Variants in RAPGEF6 observed in about 807,000 individuals in gnomAD.
RAPGEF6 encodes the protein Rap guanine nucleotide exchange factor 6, also known as PDZ domain containing guanine nucleotide exchange factor (GEF) 2.
RAPGEF6 carries 56 observed loss-of-function variants against 171.4 expected under a neutral mutation model. The ratio of observed to expected loss-of-function variants is 0.33; its 90% CI spans 0.26 to 0.41. RAPGEF6 has a LOEUF of 0.41. Ranked by LOEUF, RAPGEF6 falls within the 10% of genes least tolerant of loss-of-function variation. The pLI is 1.00. For synonymous variants in RAPGEF6, 692 were observed against 650.1 expected (o/e 1.06, Z -0.98); for missense variants, 1,674 against 1,921.4 (o/e 0.87, Z 2.41).
chr5:131,453,265 A>G (rs1218149117), intron 20 of RAPGEF6, 88 bp from the exon 21 acceptor site: 7 of 1,469,098 alleles, frequency 4.8e-6, no homozygotes, highest in Non-Finnish European at 6.3e-6. Flanking sequence ...TGAGGGGCAC[A>G]AAGAAGGACC....
chr5:131,461,486 A>G (rs948143849), intron 19 of RAPGEF6, among the ~76,000 whole-genome samples: 1 of 152,164 alleles, frequency 6.6e-6, no homozygotes, highest in South Asian at 2.1e-4. Context: ...GCAATCACCC[A>G]CTTTCATTTA....
chr5:131,628,885 G>A (rs1464088256), intron 1 of RAPGEF6, among the ~76,000 whole-genome samples: 3 of 152,156 alleles, frequency 2.0e-5, no homozygotes, highest in Non-Finnish European at 4.4e-5. Flanking sequence ...GTCCACTGAT[G>A]AGACCCACTG....
chr5:131,467,055 G>T (rs1007632181), intron 17 of RAPGEF6, among the ~76,000 whole-genome samples: 1 of 152,130 alleles, frequency 6.6e-6, no homozygotes, highest in Non-Finnish European at 1.5e-5. Flanking sequence ...GACTGACCTT[G>T]AGGGAATGGG....
At chr5:131,565,383 A>C (rs1050671890) in intron 4 of RAPGEF6, among the ~76,000 whole-genome samples, 1 of 152,172 alleles carries the variant, frequency 6.6e-6, no homozygotes, top group African/African-American at 2.4e-5. Context: ...ACCTGATTAA[A>C]AAGAGATATA....
At chr5:131,436,233 A>G in intron 24 of RAPGEF6, 1 of 1,537,424 alleles carries the variant, frequency 6.5e-7, no homozygotes, top group Non-Finnish European at 8.7e-7. Context: ...TCCTGTCTCT[A>G]TTCTCCTCAG....
At chr5:131,558,381 G>T (rs548853836) in intron 5 of RAPGEF6, among the ~76,000 whole-genome samples, 2 of 151,886 alleles carry the variant, frequency 1.3e-5, no homozygotes, top group East Asian at 1.9e-4. Context: ...TTTTATTTTT[G>T]ATTATCTTTG....
chr5:131,598,580 A>C (rs1195305690), intron 3 of RAPGEF6, among the ~76,000 whole-genome samples: 1 of 152,236 alleles, frequency 6.6e-6, no homozygotes, highest in African/African-American at 2.4e-5. Context: ...TTAACTGCAA[A>C]GGAGTAACAA....
chr5:131,472,074 C>CT (rs34112867), intron 17 of RAPGEF6: 29,127 of 141,318 alleles, frequency 0.21, 3,381 homozygotes, highest in Middle Eastern at 0.35. Flanking sequence ...TTTTTCTTTT[C>CT]TTTTTTTTTT....
chr5:131,560,395 T>C (rs1377147765), intron 5 of RAPGEF6, among the ~76,000 whole-genome samples: 1 of 152,212 alleles, frequency 6.6e-6, no homozygotes, highest in African/African-American at 2.4e-5. Flanking sequence ...GATTTCTCCT[T>C]TTCTTCCTCC....
intron 13 of RAPGEF6, among the ~76,000 whole-genome samples, chr5:131,495,073 T>C (rs773991532): frequency 2.2e-4 from 33 of 152,056 alleles, no homozygotes; most frequent in South Asian, 4.2e-4. Flanking sequence ...GGCGGGCGGA[T>C]CACGAGGTCA....
In RAPGEF6 at chr5:131,480,561, C is replaced by T. The variant is rs951859435; in HGVS notation, c.1841-808G>A. Reference sequence around the variant, plus strand: ...TGGCACAATCTCAGCTCACTGCAACCTCCATCTCCCGGGTTCAAGCGATTC... The same window carrying T: ...TGGCACAATCTCAGCTCACTGCAACTTCCATCTCCCGGGTTCAAGCGATTC... On this transcript the variant is annotated intron_variant, in intron 15 of 27. Coordinates refer to ENST00000509018, the MANE Select transcript of RAPGEF6 (RefSeq NM_016340.6). Among the ~76,000 whole-genome samples the T allele has an allele frequency of 2.0e-5, 3 of 152,252 alleles. No homozygotes were observed. In the South Asian group the frequency reaches 6.2e-4, roughly 32 times the overall value.
At chr5:131,512,236 C>T (rs1331042186) in intron 7 of RAPGEF6, among the ~76,000 whole-genome samples, 3 of 152,076 alleles carry the variant, frequency 2.0e-5, no homozygotes, top group African/African-American at 7.2e-5. Context: ...AATAAGCAAG[C>T]CGTACGGAGC....
At chr5:131,626,831 G>C (rs1423510810) in intron 1 of RAPGEF6, among the ~76,000 whole-genome samples, 1 of 152,018 alleles carries the variant, frequency 6.6e-6, no homozygotes, top group East Asian at 1.9e-4. Flanking sequence ...TCTTTAACCT[G>C]TTACTCTGAA....
At chr5:131,496,203 T>C (rs1047649742) in intron 12 of RAPGEF6, among the ~76,000 whole-genome samples, 3 of 152,076 alleles carry the variant, frequency 2.0e-5, no homozygotes, top group African/African-American at 7.2e-5. Flanking sequence ...ACAAAAACCC[T>C]TACAAATCTG....
chr5:131,603,178 A>G (rs1764355118), intron 3 of RAPGEF6, 93 bp downstream of exon 3: 2 of 952,148 alleles, frequency 2.1e-6, no homozygotes, highest in East Asian at 4.9e-5. Flanking sequence ...TGTGCTCTAC[A>G]TAAATTGTCC....
chr5:131,438,871 A>G (rs958950509), intron 24 of RAPGEF6, among the ~76,000 whole-genome samples: 2 of 152,206 alleles, frequency 1.3e-5, no homozygotes, highest in Non-Finnish European at 2.9e-5. Context: ...AAGGAAAAGC[A>G]TATTTGTTTT....
At chr5:131,634,482 T>G (rs561940575) in intron 1 of RAPGEF6, among the ~76,000 whole-genome samples, 1 of 152,344 alleles carries the variant, frequency 6.6e-6, no homozygotes, top group East Asian at 1.9e-4. Context: ...TACTACAGAA[T>G]TCACCATTTG....
chr5:131,620,081 C>G (rs1054927128), intron 1 of RAPGEF6, among the ~76,000 whole-genome samples: 6 of 152,180 alleles, frequency 3.9e-5, no homozygotes, highest in African/African-American at 1.4e-4. Flanking sequence ...CTTTCTGCGG[C>G]GGCTGCTTTT....
intron 1 of RAPGEF6, among the ~76,000 whole-genome samples, chr5:131,606,691 A>G (rs1764612250): frequency 6.6e-6 from 1 of 152,206 alleles, no homozygotes; most frequent in Admixed American, 6.5e-5. Flanking sequence ...CTCCCCACAG[A>G]TGTGGGTTGG....
Sources: allele counts gnomAD v4.1 joint callset (sites outside exome capture counted in the v4.1 genomes callset), GRCh38; gene constraint gnomAD v4.1.1; transcripts MANE v1.5; gene names NCBI Gene and HGNC (gene_info 2026-07-23, HGNC 2026-07-21).